Variants in OAS2 observed in about 807,000 individuals in gnomAD.
The protein encoded by OAS2 is 2'-5'-oligoadenylate synthase 2.
Under a neutral mutation model 71.3 loss-of-function variants are expected in OAS2, and 67 were observed. The ratio of observed to expected loss-of-function variants is 0.94; its 90% CI spans 0.77 to 1.15. The LOEUF (loss-of-function observed/expected upper bound fraction) is 1.15. OAS2 is among the 50% of genes most tolerant of loss of function. OAS2 has a pLI of 0.00. For synonymous variants in OAS2, 327 were observed against 321.8 expected (o/e 1.02, Z -0.17); for missense variants, 789 against 822.5 (o/e 0.96, Z 0.50).
intron 1 of OAS2, among the ~76,000 whole-genome samples, chr12:112,986,754 T>C (rs1417595833): frequency 1.3e-5 from 2 of 151,570 alleles, no homozygotes; most frequent in Non-Finnish European, 2.9e-5. Flanking sequence ...GAGGCGATCC[T>C]ATCCTCAGGC....
At chr12:113,005,918 C>CAACAACG (rs1555229554) in intron 7 of OAS2, among the ~76,000 whole-genome samples, 1 of 49,044 alleles carries the variant, frequency 2.0e-5, no homozygotes, top group African/African-American at 1.2e-4. Flanking sequence ...ACAACAACAA[C>CAACAACG]AAAAAAAAAA....
chr12:112,999,337 C>G (rs538626201), intron 5 of OAS2, among the ~76,000 whole-genome samples: 1 of 152,338 alleles, frequency 6.6e-6, no homozygotes, highest in South Asian at 2.1e-4. Context: ...GAAGAACCTT[C>G]CCAGGTTAGA....
intron 2 of OAS2, 53 bp from the exon 3 acceptor site, chr12:112,995,243 C>T (rs1165161989): frequency 6.5e-7 from 1 of 1,539,008 alleles, no homozygotes; most frequent in Non-Finnish European, 8.8e-7. Flanking sequence ...AACCCTGGCT[C>T]TCTAAAACCA....
intron 7 of OAS2, 141 bp downstream of exon 7, chr12:113,005,363 A>C (rs2044322464): frequency 1.3e-6 from 1 of 770,884 alleles, no homozygotes; most frequent in Non-Finnish European, 2.1e-6. Context: ...CATGGCAGTA[A>C]TACTTCACAC....
chr12:113,004,278 A>G (rs1477513378), intron 6 of OAS2, among the ~76,000 whole-genome samples: 1 of 152,218 alleles, frequency 6.6e-6, no homozygotes, highest in African/African-American at 2.4e-5. Context: ...GAAATAGAAC[A>G]TACCCTTTCC....
intron 2 of OAS2, among the ~76,000 whole-genome samples, chr12:112,993,903 G>A (rs1221101574): frequency 6.6e-6 from 1 of 151,838 alleles, no homozygotes; most frequent in African/African-American, 2.4e-5. Flanking sequence ...AACAAACTCA[G>A]TAGTCCTATA....
chr12:113,008,610 AGTTGCTTTG>A (rs1437566714), intron 9 of OAS2, among the ~76,000 whole-genome samples: 1 of 152,062 alleles, frequency 6.6e-6, no homozygotes, highest in African/African-American at 2.4e-5. Context: ...AATTCTAGGA[AGTTGCTTTG>A]GTTTTGGCTT....
chr12:113,006,687 TGCTGAGG>T (rs2044338207), intron 8 of OAS2, 87 bp downstream of exon 8: 2 of 1,196,680 alleles, frequency 1.7e-6, no homozygotes, highest in Admixed American at 4.5e-5. Flanking sequence ...CAATCTCCCA[TGCTGAGG>T]GCTGAGCCAC....
At position 113,004,328 on chromosome 12, in the gene OAS2, T is replaced by C. The variant is rs377256783; in HGVS notation, c.1180-606T>C. Among the ~76,000 whole-genome samples, 24 of 152,112 alleles carry C rather than the reference T, an allele frequency of 1.6e-4. No individual in the cohort carries two copies. The East Asian group carries it at 2.9e-3, about 18-fold the overall frequency. Reference sequence around the variant, plus strand: ...CATGTAATCAGGCATTTAATACCCATGGATAAAATAAAACATTTTTCTCTA... The same window carrying C: ...CATGTAATCAGGCATTTAATACCCACGGATAAAATAAAACATTTTTCTCTA... On this transcript the variant is annotated intron_variant, in intron 6 of 9. Transcript: ENST00000392583.
chr12:113,010,356 G>T lies in OAS2; in HGVS notation c.*1101G>T. The T allele has an allele frequency of 1.2e-6, 2 of 1,606,960 alleles. No homozygotes were observed. The highest frequency in any genetic ancestry group is 1.1e-5 in the South Asian group (1 of 89,490). On this transcript the variant is annotated 3_prime_UTR_variant, in exon 10 of 10. Coordinates refer to ENST00000392583, the MANE Select transcript of OAS2 (RefSeq NM_002535.3). ...CTATTAGGAGACATTGCTCTCCCAC[G>T]TATGTTTTTCTTTTTAGACAATGCA...
chr12:112,982,877 T>C (rs996443473), intron 1 of OAS2, among the ~76,000 whole-genome samples: 1 of 152,216 alleles, frequency 6.6e-6, no homozygotes, highest in Non-Finnish European at 1.5e-5. Flanking sequence ...GTTCAGGTTT[T>C]CTGTTTCTTC....
chr12:113,004,071 A>G (rs1308686136), intron 6 of OAS2, among the ~76,000 whole-genome samples: 1 of 152,268 alleles, frequency 6.6e-6, no homozygotes, highest in Non-Finnish European at 1.5e-5. Context: ...AGCCATCGGC[A>G]GATAAGACAT....
chr12:113,001,914 A>T (rs2136391572), intron 5 of OAS2, among the ~76,000 whole-genome samples: 1 of 149,650 alleles, frequency 6.7e-6, no homozygotes, highest in African/African-American at 2.5e-5. Context: ...ACAAACCTGT[A>T]GTCCCAGCTA....
chr12:113,006,667 C>A, intron 8 of OAS2, 67 bp downstream of exon 8: 1 of 1,355,274 alleles, frequency 7.4e-7, no homozygotes, highest in South Asian at 1.7e-5. Flanking sequence ...ACATTAAGCC[C>A]TGTTGCCCAC....
At chr12:112,986,183 A>G (rs931155288) in intron 1 of OAS2, among the ~76,000 whole-genome samples, 3 of 152,184 alleles carry the variant, frequency 2.0e-5, no homozygotes, top group African/African-American at 7.2e-5. Context: ...TGCTGGGAAC[A>G]GGGACATCAG....
At chr12:113,007,968 T>C (rs769055592) in intron 9 of OAS2, 25 bp downstream of exon 9, 2 of 1,518,140 alleles carry the variant, frequency 1.3e-6, no homozygotes, top group Non-Finnish European at 1.8e-6. Context: ...GCCCCGTACT[T>C]TTCTTAACCT....
Position 113,010,185 on chromosome 12 carries a change from A to G in OAS2, c.*930A>G. On this transcript the variant is annotated 3_prime_UTR_variant, in exon 10 of 10. Coordinates refer to ENST00000392583, the MANE Select transcript of OAS2 (RefSeq NM_002535.3). ...CAACCCTGGGGGGAATGTAGGGAAG[A>G]GGTGGCCAAGCCAACCGTGGGGTTA... 7.4e-7 allele frequency: 1 copy of G among 1,349,184 alleles called. No individual in the cohort carries two copies. Among genetic ancestry groups the G allele is most frequent in the Non-Finnish European group, 9.5e-7 (1 of 1,052,258 alleles). The allele number at this position is 1,349,184 out of a possible 1,614,324, so 83.6% of individuals were successfully genotyped here.
At chr12:113,006,013 C>G (rs1013459396) in intron 7 of OAS2, among the ~76,000 whole-genome samples, 6 of 149,404 alleles carry the variant, frequency 4.0e-5, no homozygotes, top group African/African-American at 1.5e-4. Flanking sequence ...AGATCAGTGT[C>G]GTCCCAGAGA....
chr12:112,987,593 G>A lies in OAS2; in HGVS notation c.448+285G>A, dbSNP rs1275202523. 1.0e-5 allele frequency: 13 copies of A among 1,260,544 alleles called. No homozygotes were observed. The East Asian group carries it at 1.2e-4, about 12-fold the overall frequency. 78.1% of individuals were successfully genotyped at this position (1,260,544 alleles called of 1,614,324 possible). A position where few individuals can be genotyped will look rare whatever the true frequency, so the allele number is the denominator to read the frequency against. On this transcript the variant is annotated intron_variant, in intron 2 of 9. Coordinates refer to ENST00000392583, the MANE Select transcript of OAS2 (RefSeq NM_002535.3). The stretch of plus-strand genomic sequence containing the variant: ...GTACACATAAATCACCTGGAACCTT[G>A]TTAAAATGCAGATCCTGACTCAGGA...
Sources: allele counts gnomAD v4.1 joint callset (sites outside exome capture counted in the v4.1 genomes callset), GRCh38; gene constraint gnomAD v4.1.1; transcripts MANE v1.5; gene names NCBI Gene and HGNC (gene_info 2026-07-23, HGNC 2026-07-21).